Variants in DNAJB4 observed in about 807,000 individuals in gnomAD.
DNAJB4 encodes the protein dnaJ homolog subfamily B member 4.
DNAJB4 carries 10 observed loss-of-function variants against 26.6 expected under a neutral mutation model. The ratio of observed to expected loss-of-function variants is 0.38; its 90% CI spans 0.23 to 0.64. DNAJB4 has a LOEUF of 0.64. Ranked by LOEUF, DNAJB4 falls within the 30% of genes least tolerant of loss-of-function variation. DNAJB4 has a pLI of 0.58. For synonymous variants in DNAJB4, 136 were observed against 134.8 expected, an observed-to-expected ratio of 1.01 and a Z score of -0.06; for missense variants, 328 against 408.2, an observed-to-expected ratio of 0.80 and a Z score of 1.69.
intron 1 of DNAJB4, among the ~76,000 whole-genome samples, chr1:77,986,686 T>C (rs1304141156): frequency 6.6e-6 from 1 of 152,236 alleles, no homozygotes; most frequent in Non-Finnish European, 1.5e-5. Flanking sequence ...GTTTGTTTAC[T>C]CCTTGTCACC....
chr1:77,985,931 T>C (rs1334483679), intron 1 of DNAJB4, among the ~76,000 whole-genome samples: 2 of 152,172 alleles, frequency 1.3e-5, no homozygotes, highest in Non-Finnish European at 2.9e-5. Context: ...TGGATCACTT[T>C]GCAGAGACTC....
intron 1 of DNAJB4, among the ~76,000 whole-genome samples, chr1:77,992,412 CAA>C (rs67649336): frequency 1.7e-4 from 8 of 47,740 alleles, no homozygotes; most frequent in African/African-American, 4.1e-4. Context: ...GACTCCGTCT[CAA>C]AAAAAAAAAA....
intron 2 of DNAJB4, 102 bp downstream of exon 2, chr1:78,013,721 C>T (rs986608993): frequency 2.5e-5 from 22 of 896,330 alleles, no homozygotes; most frequent in South Asian, 1.6e-4. Context: ...GCCTATTATA[C>T]GTTAAAAATA....
At chr1:78,001,786 C>T (rs995829994), upstream of DNAJB4, among the ~76,000 whole-genome samples, 1 of 152,148 alleles carries the variant, frequency 6.6e-6, no homozygotes, top group Non-Finnish European at 1.5e-5. Flanking sequence ...CCTTGGCCTC[C>T]CAAAGTGCTG....
In DNAJB4 at chr1:78,016,049, G is replaced by C. The variant is rs762302849; in HGVS notation, c.816G>C (p.Leu272=). 14 of 1,613,944 alleles carry C rather than the reference G, an allele frequency of 8.7e-6. No homozygotes were observed. Among genetic ancestry groups the C allele is most frequent in the East Asian group, 2.2e-5 (1 of 44,856 alleles). ...LCGCSINVPT[L]DGRNIPMSVN... is the part of the protein sequence containing the mutation. ...GCTGCTCAATTAATGTACCAACACT[G>C]GATGGAAGAAACATACCTATGTCAG... is the stretch of plus-strand genomic sequence containing the variant. The change falls in exon 3 of 3, where the codon CTG becomes CTC. Residue 272 remains leucine (L), a synonymous_variant. Coordinates refer to ENST00000370763, the MANE Select transcript of DNAJB4 (RefSeq NM_007034.5).
chr1:77,994,140 A>G (rs1438903361), intron 1 of DNAJB4, among the ~76,000 whole-genome samples: 1 of 152,140 alleles, frequency 6.6e-6, no homozygotes, highest in Non-Finnish European at 1.5e-5. Context: ...AATGGCTCAC[A>G]CCTGTAATCC....
At chr1:77,984,166 G>A (rs968869610) in intron 1 of DNAJB4, among the ~76,000 whole-genome samples, 1 of 152,176 alleles carries the variant, frequency 6.6e-6, no homozygotes, top group African/African-American at 2.4e-5. Flanking sequence ...AAATCAGGCT[G>A]TTGCTCCACT....
Position 78,016,148 on chromosome 1 carries a change from C to T in DNAJB4, c.915C>T (p.Asp305=). 1 of 1,614,126 alleles carries T rather than the reference C, an allele frequency of 6.2e-7. No individual in the cohort carries two copies. The highest frequency in any genetic ancestry group is 8.5e-7 in the Non-Finnish European group (1 of 1,180,028). Residue 305 remains aspartate, a synonymous_variant, in exon 3 of 3, where the codon GAC becomes GAT. Coordinates refer to ENST00000370763, the MANE Select transcript of DNAJB4 (RefSeq NM_007034.5). The part of the protein sequence containing the change: ...GYGLPFPKNP[D]QRGDLLIEFE... Reference sequence around the variant, plus strand: ...GGCTGCCATTTCCAAAAAATCCTGACCAACGTGGTGACCTTCTAATAGAAT... The same window carrying T: ...GGCTGCCATTTCCAAAAAATCCTGATCAACGTGGTGACCTTCTAATAGAAT...
At chr1:78,006,072 T>G (rs78146780) in intron 1 of DNAJB4, among the ~76,000 whole-genome samples, 6,536 of 152,302 alleles carry the variant, frequency 0.043, 273 homozygotes, top group East Asian at 0.22. Context: ...TTAGATAACA[T>G]TATTTATTTA....
intron 2 of DNAJB4, among the ~76,000 whole-genome samples, chr1:78,013,929 G>C (rs1015571999): frequency 7.9e-5 from 12 of 151,904 alleles, no homozygotes; most frequent in African/African-American, 2.7e-4. Flanking sequence ...TATAGGGTTT[G>C]TTCTAAATTT....
upstream of DNAJB4, among the ~76,000 whole-genome samples, chr1:78,002,230 T>C (rs1660209826): frequency 6.6e-6 from 1 of 152,178 alleles, no homozygotes; most frequent in Non-Finnish European, 1.5e-5. Context: ...TACTCTCCCT[T>C]TTACATACTC....
intron 1 of DNAJB4, among the ~76,000 whole-genome samples, chr1:77,985,648 C>T (rs1571422006): frequency 6.6e-6 from 1 of 152,046 alleles, no homozygotes; most frequent in Non-Finnish European, 1.5e-5. Context: ...AACCTTGCTC[C>T]TTAACTATGC....
chr1:77,991,164 A>T (rs933928041), intron 1 of DNAJB4, among the ~76,000 whole-genome samples: 2 of 152,194 alleles, frequency 1.3e-5, no homozygotes, highest in African/African-American at 4.8e-5. Context: ...ACCTACACAC[A>T]TGCCCTATTT....
intron 1 of DNAJB4, among the ~76,000 whole-genome samples, chr1:78,011,371 A>C (rs1660467572): frequency 6.6e-6 from 1 of 152,272 alleles, no homozygotes. Context: ...ATGCCTAAAA[A>C]ATTTGGTATC....
At chr1:77,979,315 T>C (rs910050336), upstream of DNAJB4, 44 of 345,968 alleles carry the variant, frequency 1.3e-4, no homozygotes, top group Non-Finnish European at 1.8e-4. Context: ...TAATTGTTCC[T>C]GCAGGGTGGT....
In DNAJB4 at chr1:78,013,195, G is replaced by A; in HGVS notation, c.356G>A (p.Gly119Asp). The change falls in exon 2 of 3, where the codon GGT becomes GAT. Residue 119 changes from glycine (G) to aspartate (D), a missense_variant. Physicochemically the swap from Gly to Asp is moderately conservative, Grantham distance 94 (BLOSUM62 -1). Transcript: ENST00000370763. ...EIFFGRRMGG[G>D]RDSEEMEIDG... ...TTCTTTGGAAGACGAATGGGTGGTGGTAGAGATTCTGAAGAAATGGAAATA... is the reference window on the plus strand; with the variant it reads ...TTCTTTGGAAGACGAATGGGTGGTGATAGAGATTCTGAAGAAATGGAAATA... 6.2e-7 allele frequency: 1 copy of A among 1,614,190 alleles called. No homozygotes were observed. Among genetic ancestry groups the A allele is most frequent in the Non-Finnish European group, 8.5e-7 (1 of 1,180,032 alleles).
At chr1:77,982,304 T>C (rs1237507007) in intron 1 of DNAJB4, among the ~76,000 whole-genome samples, 1 of 152,238 alleles carries the variant, frequency 6.6e-6, no homozygotes, top group Non-Finnish European at 1.5e-5. Context: ...CTGTTCTTAT[T>C]CTCCCTTTTT....
chr1:78,001,676 T>C (rs1267686931), upstream of DNAJB4, among the ~76,000 whole-genome samples: 3 of 152,190 alleles, frequency 2.0e-5, no homozygotes, highest in Non-Finnish European at 4.4e-5. Flanking sequence ...AAATGCTATC[T>C]TAATTTCCAT....
At chr1:77,982,636 A>T (rs375520327) in intron 1 of DNAJB4, among the ~76,000 whole-genome samples, 1 of 152,218 alleles carries the variant, frequency 6.6e-6, no homozygotes, top group African/African-American at 2.4e-5. Flanking sequence ...CGGCTCTACT[A>T]AAAATACAAA....
Sources: gnomAD v4.1 joint callset for allele counts (sites outside exome capture counted in the v4.1 genomes callset) on GRCh38, gnomAD v4.1.1 for gene constraint, MANE v1.5 for transcripts, NCBI Gene and HGNC (gene_info 2026-07-23, HGNC 2026-07-21) for gene names.